ST3GAL2: variants seen among roughly 807,000 people sequenced by gnomAD.
ST3GAL2 encodes CMP-N-acetylneuraminate-beta-galactosamide-alpha-2,3-sialyltransferase 2.
A neutral mutation model predicts 37.5 loss-of-function variants in ST3GAL2; 16 were observed. The observed-to-expected ratio is 0.43, with a 90% CI of 0.29 to 0.65. ST3GAL2 has a LOEUF of 0.65. Ranked by LOEUF, ST3GAL2 falls within the 30% of genes least tolerant of loss-of-function variation. The pLI, the probability that ST3GAL2 is intolerant of heterozygous loss-of-function variation, is 0.17. For synonymous variants in ST3GAL2, 238 were observed against 202.9 expected (o/e 1.17, Z -1.47); for missense variants, 383 against 487.8 (o/e 0.79, Z 2.02).
At position 70,399,623 on chromosome 16, in the gene ST3GAL2, A is replaced by C. The variant is rs1439923611; in HGVS notation, c.-1003-90T>G. On this transcript the variant is annotated intron_variant, in intron 1 of 6. Transcript: ENST00000342907. ...CCCCACCCCAAGCCCCAAAGCTAGC[A>C]GGAGAGGAGATGCCCACTTAATCAG... The C allele has an allele frequency of 7.8e-5, 31 of 394,928 alleles. No homozygotes were observed. In the East Asian group the frequency reaches 1.1e-3, roughly 14 times the overall value. The allele number at this position is 394,928 out of a possible 1,614,324, so 24.5% of individuals were successfully genotyped here.
chr16:70,426,035 G>A (rs3852695), intron 1 of ST3GAL2, among the ~76,000 whole-genome samples: 69,573 of 151,908 alleles, frequency 0.46, 16,160 homozygotes, highest in Admixed American at 0.54. Context: ...GCAGGGGAGG[G>A]TGCCATGCCT....
chr16:70,404,763 G>A (rs980662693), intron 1 of ST3GAL2, among the ~76,000 whole-genome samples: 2 of 152,142 alleles, frequency 1.3e-5, no homozygotes, highest in South Asian at 2.1e-4. Context: ...GGCCGGGCAC[G>A]GTGGCTCACA....
At chr16:70,419,335 T>C (rs916726631) in intron 1 of ST3GAL2, among the ~76,000 whole-genome samples, 4 of 152,222 alleles carry the variant, frequency 2.6e-5, no homozygotes, top group Non-Finnish European at 4.4e-5. Context: ...CCCCAGATCC[T>C]GTTAGGGATG....
rs976362619 is a variant in ST3GAL2 at position 70,377,060 on chromosome 16, T to A, written c.*4629A>T. On this transcript the variant is annotated 3_prime_UTR_variant, in exon 7 of 7. Transcript: ENST00000342907. ...CTGGCCATAAAATGTTTTTAAAAAA[T>A]TTTTTAGCTAGGCTCTAGCTGCTCT... 2.6e-5 allele frequency: 4 copies of A among 151,364 alleles called. No individual in the cohort carries two copies. The highest frequency in any genetic ancestry group is 5.9e-5 in the Non-Finnish European group (4 of 67,940). 9.4% of individuals were successfully genotyped at this position (151,364 alleles called of 1,614,324 possible). A position where few individuals can be genotyped will look rare whatever the true frequency, so the allele number is the denominator to read the frequency against.
intron 1 of ST3GAL2, among the ~76,000 whole-genome samples, chr16:70,412,169 G>A (rs1040627688): frequency 1.3e-5 from 2 of 152,120 alleles, no homozygotes; most frequent in African/African-American, 4.8e-5. Context: ...GTCTTAGCCT[G>A]TCCAAAAATA....
intron 1 of ST3GAL2, among the ~76,000 whole-genome samples, chr16:70,412,451 C>T (rs548327175): frequency 6.6e-6 from 1 of 152,042 alleles, no homozygotes; most frequent in Non-Finnish European, 1.5e-5. Flanking sequence ...TGAGACCAAC[C>T]TGGGCAACAC....
chr16:70,402,797 G>A (rs1234646210), intron 1 of ST3GAL2, among the ~76,000 whole-genome samples: 1 of 152,098 alleles, frequency 6.6e-6, no homozygotes, highest in Admixed American at 6.6e-5. Flanking sequence ...TTACAGGCAT[G>A]TGCCACCACA....
intron 1 of ST3GAL2, among the ~76,000 whole-genome samples, chr16:70,435,539 G>A (rs1033354366): frequency 9.2e-5 from 14 of 151,688 alleles, no homozygotes; most frequent in Non-Finnish European, 1.9e-4. Context: ...TGGAGGTTGC[G>A]GTGAGCCGAC....
intron 1 of ST3GAL2, among the ~76,000 whole-genome samples, chr16:70,426,149 C>A (rs2047748459): frequency 6.7e-6 from 1 of 148,652 alleles, no homozygotes; most frequent in Non-Finnish European, 1.5e-5. Context: ...CGTTCCATTG[C>A]TCATCTTGCA....
chr16:70,414,860 T>C (rs1567674233), intron 1 of ST3GAL2, among the ~76,000 whole-genome samples: 1 of 151,048 alleles, frequency 6.6e-6, no homozygotes, highest in Non-Finnish European at 1.5e-5. Flanking sequence ...ATTATTTATT[T>C]ATTTATTTAT....
At chr16:70,400,094 CAGG>C (rs1333562746) in intron 1 of ST3GAL2, 1 of 152,602 alleles carries the variant, frequency 6.6e-6, no homozygotes, top group African/African-American at 2.4e-5. Context: ...CTGGCTGTGT[CAGG>C]AGGTGTGGTT....
At position 70,379,796 on chromosome 16, in the gene ST3GAL2, ATTT is replaced by A. The variant is rs11438171; in HGVS notation, c.*1890_*1892del. ...ACCACTGCGCCTGGCTAATTTTTGT[ATTT>A]TTTTTTTTTTTTGGTAGAGACGAGG... On this transcript the variant is annotated 3_prime_UTR_variant, in exon 7 of 7. Coordinates refer to ENST00000342907, the MANE Select transcript of ST3GAL2 (RefSeq NM_006927.4). The A allele has an allele frequency of 2.2e-5, 3 of 138,044 alleles. No individual in the cohort carries two copies. Among genetic ancestry groups the A allele is most frequent in the African/African-American group, 2.7e-5 (1 of 36,454 alleles). The allele number at this position is 138,044 out of a possible 1,614,324, so 8.6% of individuals were successfully genotyped here. A position where few individuals can be genotyped will look rare whatever the true frequency, so the allele number is the denominator to read the frequency against.
chr16:70,395,288 C>G, intron 2 of ST3GAL2, 113 bp from the exon 3 acceptor site: 1 of 994,206 alleles, frequency 1.0e-6, no homozygotes. Flanking sequence ...GCACAGGCCT[C>G]TTTATCCAGG....
chr16:70,398,863 T>C lies in ST3GAL2; in HGVS notation c.-333A>G, dbSNP rs1440543090. 4.2e-6 allele frequency: 2 copies of C among 480,660 alleles called. No individual in the cohort carries two copies. Among genetic ancestry groups the C allele is most frequent in the Admixed American group, 3.7e-5 (1 of 27,350 alleles). The allele number at this position is 480,660 out of a possible 1,614,324, so 29.8% of individuals were successfully genotyped here. ...CAGTCCATTGCAGCCCTCTAGTCCC[T>C]TGGGATTGCTGGCTGCCAGCTCTAG... On this transcript the variant is annotated 5_prime_UTR_variant, in exon 2 of 7. Transcript: ENST00000342907.
At chr16:70,397,811 G>C (rs1283747224) in intron 2 of ST3GAL2, among the ~76,000 whole-genome samples, 1 of 152,054 alleles carries the variant, frequency 6.6e-6, no homozygotes, top group Admixed American at 6.6e-5. Context: ...TGGATTTCTA[G>C]GTTTTCTTAA....
rs1052197875 is a variant in ST3GAL2 at position 70,398,353 on chromosome 16, G to A, written c.178C>T (p.Leu60Phe). The change falls in exon 2 of 7, where the codon CTC becomes TTC. Residue 60 changes from leucine (L) to phenylalanine (F), a missense_variant. Leu to Phe is a conservative substitution (Grantham distance 22). Coordinates refer to ENST00000342907, the MANE Select transcript of ST3GAL2 (RefSeq NM_006927.4). ...LVPGYAGLQR[L>F]SKERLSGKSC... ...TTGCCCGAGAGCCTCTCCTTGCTGA[G>A]GCGCTGCAGGCCGGCATAGCCGGGC... is the stretch of plus-strand genomic sequence containing the variant. The A allele has an allele frequency of 6.2e-7, 1 of 1,613,510 alleles. No homozygotes were observed. Among genetic ancestry groups the A allele is most frequent in the Non-Finnish European group, 8.5e-7 (1 of 1,180,034 alleles).
chr16:70,421,481 C>A (rs926162532), intron 1 of ST3GAL2, among the ~76,000 whole-genome samples: 2 of 152,330 alleles, frequency 1.3e-5, no homozygotes, highest in South Asian at 2.1e-4. Flanking sequence ...CAACATCCAT[C>A]GTGCCATGTA....
Position 70,381,522 on chromosome 16 carries a change from G to C in ST3GAL2, c.*167C>G. On this transcript the variant is annotated 3_prime_UTR_variant, in exon 7 of 7. Transcript: ENST00000342907. ...GAAACAGAAGCTCCGCCCGACCGCA[G>C]CGCAGATTGGTGCCAGGCCCGGCCG... The C allele has an allele frequency of 2.6e-6, 2 of 767,136 alleles. No individual in the cohort carries two copies. The highest frequency in any genetic ancestry group is 3.7e-5 in the South Asian group (2 of 53,520). 47.5% of individuals were successfully genotyped at this position (767,136 alleles called of 1,614,324 possible).
rs766309732 is a variant in ST3GAL2 at position 70,398,683 on chromosome 16, C to T, written c.-153G>A. On this transcript the variant is annotated 5_prime_UTR_variant, in exon 2 of 7. It adds an upstream start codon to the 5' untranslated region. Coordinates refer to ENST00000342907, the MANE Select transcript of ST3GAL2 (RefSeq NM_006927.4). Reference sequence around the variant, plus strand: ...GGACAGTGGCAGGGGTCCCTTGCCACGCCCTCCCTCATGTAGGGAGAACAC... The same window carrying T: ...GGACAGTGGCAGGGGTCCCTTGCCATGCCCTCCCTCATGTAGGGAGAACAC... 4.5e-5 allele frequency: 32 copies of T among 711,468 alleles called. No individual in the cohort carries two copies. The highest frequency in any genetic ancestry group is 6.2e-5 in the Non-Finnish European group (27 of 435,844). 44.1% of individuals were successfully genotyped at this position (711,468 alleles called of 1,614,324 possible).
Sources: allele counts gnomAD v4.1 joint callset (sites outside exome capture counted in the v4.1 genomes callset), GRCh38; gene constraint gnomAD v4.1.1; transcripts MANE v1.5; gene names NCBI Gene and HGNC (gene_info 2026-07-23, HGNC 2026-07-21).